PASD1: variants seen among roughly 807,000 people sequenced by gnomAD.
PASD1 encodes PAS domain containing repressor 1.
A neutral mutation model predicts 58.8 loss-of-function variants in PASD1; 13 were observed. The ratio of observed to expected loss-of-function variants is 0.22; its 90% confidence interval spans 0.14 to 0.35. PASD1 has a LOEUF of 0.35. Among genes scored for constraint, PASD1 ranks in the 10% least tolerant of loss-of-function variants. The probability of loss-of-function intolerance (pLI) is 1.00; values close to 1 mark genes in which losing one functional copy is unlikely to be tolerated. For synonymous variants in PASD1, 236 were observed against 216.7 expected (o/e 1.09, Z -0.78); for missense variants, 734 against 568.3 (o/e 1.29, Z -2.96).
Position 151,659,810 on chromosome X carries a change from T to G in PASD1, c.815T>G (p.Phe272Cys). ...TCAACTTATTGCTCCAGTACAGTTT[T>G]CCTGGATACTATGCCTGAATCTCCA... ...SDSTYCSSTVFLDTMPESPAL... is the reference protein window; with the variant it reads ...SDSTYCSSTVCLDTMPESPAL... The change falls in exon 10 of 16, where the codon TTC becomes TGC. Residue 272 changes from phenylalanine (F) to cysteine (C), a missense_variant. Transcript: ENST00000370357. The G allele has an allele frequency of 4.1e-6, 5 of 1,206,746 alleles. No homozygotes were observed. The highest frequency in any genetic ancestry group is 4.5e-6 in the Non-Finnish European group (4 of 891,757).
intron 8 of PASD1, among the ~76,000 whole-genome samples, chrX:151,626,801 T>C (rs1212843129): frequency 1.8e-5 from 2 of 111,855 alleles, no homozygotes; most frequent in Non-Finnish European, 3.8e-5. Flanking sequence ...TCACGGTTAC[T>C]ATTCGGGGGC....
intron 8 of PASD1, among the ~76,000 whole-genome samples, chrX:151,626,065 T>C (rs1342049234): frequency 8.9e-6 from 1 of 112,417 alleles, no homozygotes; most frequent in Non-Finnish European, 1.9e-5. Context: ...TTATTTTTTA[T>C]TTTTTAAAAA....
rs1458085777 is a variant in PASD1, at chrX:151,671,596, C to T, written c.1254C>T (p.His418=). 5 of 1,209,641 alleles carry T rather than the reference C, an allele frequency of 4.1e-6. No individual in the cohort carries two copies. The highest frequency in any genetic ancestry group is 1.7e-5 in the African/African-American group (1 of 57,301). The change falls in exon 13 of 16, where the codon CAC becomes CAT. Residue 418 remains histidine, a synonymous_variant. Coordinates refer to ENST00000370357, the MANE Select transcript of PASD1 (RefSeq NM_173493.3). ...HLQKQPNTLR[H]VVIPDLQSSE... is the part of the protein sequence containing the mutation. ...AGAAGCAGCCAAACACATTACGCCA[C>T]GTTGTCATTCCTGATCTCCAATCTT...
chrX:151,585,188 A>T (rs1376938883), intron 1 of PASD1, among the ~76,000 whole-genome samples: 2 of 111,763 alleles, frequency 1.8e-5, no homozygotes, highest in African/African-American at 6.5e-5. Flanking sequence ...ATATAAGGAA[A>T]TCCAGTGTAC....
At chrX:151,656,251 A>G (rs1302424043) in intron 9 of PASD1, among the ~76,000 whole-genome samples, 2 of 111,738 alleles carry the variant, frequency 1.8e-5, no homozygotes, top group African/African-American at 3.3e-5. Context: ...TGTTTTGGTT[A>G]CTGTAGCCTT....
intron 8 of PASD1, among the ~76,000 whole-genome samples, chrX:151,638,944 T>A (rs2013965141): frequency 1.8e-5 from 2 of 112,197 alleles, no homozygotes; most frequent in African/African-American, 6.5e-5. Context: ...AAATATGATG[T>A]TGTTACCGTC....
chrX:151,567,320 C>T (rs544268819), intron 1 of PASD1, among the ~76,000 whole-genome samples: 6 of 110,350 alleles, frequency 5.4e-5, no homozygotes, highest in South Asian at 3.9e-4. Context: ...TGAGGAGCAC[C>T]GGGACCAGGA....
chrX:151,625,820 G>A (rs2013778805), intron 8 of PASD1, among the ~76,000 whole-genome samples: 1 of 110,810 alleles, frequency 9.0e-6, no homozygotes. Flanking sequence ...GGTGGCATGT[G>A]CTTGTAGTCC....
intron 1 of PASD1, among the ~76,000 whole-genome samples, chrX:151,567,623 A>G (rs1277254542): frequency 1.8e-5 from 2 of 111,939 alleles, no homozygotes; most frequent in Non-Finnish European, 3.8e-5. Flanking sequence ...TGATAGGCAA[A>G]GGTCTGTGTG....
intron 8 of PASD1, among the ~76,000 whole-genome samples, chrX:151,628,585 T>C (rs780625974): frequency 8.9e-6 from 1 of 112,108 alleles, no homozygotes; most frequent in Admixed American, 9.4e-5. Context: ...GCTGTTTTGG[T>C]TACTGTAGCC....
At chrX:151,641,815 TACACACACAC>T (rs748009729) in intron 8 of PASD1, among the ~76,000 whole-genome samples, 2 of 104,732 alleles carry the variant, frequency 1.9e-5, no homozygotes, top group African/African-American at 3.5e-5. Context: ...CACGCGTACT[TACACACACAC>T]ACACACACAC....
chrX:151,621,366 AAAT>A (rs965061571), intron 5 of PASD1, 113 bp from the exon 6 acceptor site: 2 of 590,464 alleles, frequency 3.4e-6, no homozygotes, highest in Non-Finnish European at 5.2e-6. Flanking sequence ...CGTGGAAAGA[AAAT>A]AATATTTTTG....
At chrX:151,620,831 A>G (rs2013696594) in intron 4 of PASD1, 99 bp from the exon 5 acceptor site, 4 of 486,179 alleles carry the variant, frequency 8.2e-6, no homozygotes, top group Middle Eastern at 7.2e-4. Flanking sequence ...GGAGGTAAGG[A>G]GATAGAGGAA....
intron 1 of PASD1, among the ~76,000 whole-genome samples, chrX:151,564,192 G>A (rs1272825580): frequency 2.7e-5 from 3 of 113,083 alleles, no homozygotes; most frequent in Non-Finnish European, 3.7e-5. Context: ...TTGCGGTGTC[G>A]CGAATAGGCC....
chrX:151,575,065 G>C (rs1292198062), intron 1 of PASD1, among the ~76,000 whole-genome samples: 1 of 112,114 alleles, frequency 8.9e-6, no homozygotes, highest in East Asian at 2.8e-4. Context: ...TCTAGGGCTT[G>C]TATCAAAGAC....
Position 151,664,273 on chromosome X carries a change from G to T in PASD1, c.996G>T (p.Leu332Phe). The change falls in exon 11 of 16, where the codon TTG (leucine) becomes TTT (phenylalanine). Residue 332 changes from leucine to phenylalanine, a missense_variant. Physicochemically the swap from Leu to Phe is conservative, Grantham distance 22. Transcript: ENST00000370357. ...ACCCAGAGAACCCAGTTGCCCCGTT[G>T]GACCAGGCAGGCCTGATGGATCCAG... The part of the protein sequence containing the change: ...QQDPENPVAP[L>F]DQAGLMDPVD... 8.3e-7 allele frequency: 1 copy of T among 1,211,503 alleles called. No individual in the cohort carries two copies. Among genetic ancestry groups the T allele is most frequent in the Non-Finnish European group, 1.1e-6 (1 of 895,413 alleles).
chrX:151,632,579 A>G (rs1209077957), intron 8 of PASD1, among the ~76,000 whole-genome samples: 1 of 111,196 alleles, frequency 9.0e-6, no homozygotes, highest in African/African-American at 3.3e-5. Context: ...TTGTTTTTCA[A>G]TGCCGTGTGG....
At chrX:151,649,554 G>T (rs1278991040) in intron 9 of PASD1, among the ~76,000 whole-genome samples, 8 of 111,648 alleles carry the variant, frequency 7.2e-5, no homozygotes, top group Non-Finnish European at 1.1e-4. Flanking sequence ...ATCTTATCGG[G>T]ATATTTATTT....
intron 1 of PASD1, among the ~76,000 whole-genome samples, chrX:151,582,888 TTTGTGAGTTTCAAGAG>T (rs1404191383): frequency 8.9e-6 from 1 of 112,174 alleles, no homozygotes; most frequent in Non-Finnish European, 1.9e-5. Flanking sequence ...GTTATGATTT[TTTGTGAGTTTCAAGAG>T]CAAGATCAAT....
Sources: allele counts gnomAD v4.1 joint callset (sites outside exome capture counted in the v4.1 genomes callset), GRCh38; gene constraint gnomAD v4.1.1; transcripts MANE v1.5; gene names NCBI Gene and HGNC (gene_info 2026-07-23, HGNC 2026-07-21).